Variants in MAP7D2 observed in about 807,000 individuals in gnomAD.
MAP7D2 encodes the protein MAP7 domain-containing protein 2.
A neutral mutation model predicts 63.5 loss-of-function variants in MAP7D2; 33 were observed. That is an observed-to-expected ratio of 0.52 (90% confidence interval 0.39 to 0.70). The LOEUF (loss-of-function observed/expected upper bound fraction) is 0.70. Ranked by LOEUF, MAP7D2 falls within the 30% of genes least tolerant of loss-of-function variation. The probability of loss-of-function intolerance (pLI) is 0.00; values close to 1 mark genes in which losing one functional copy is unlikely to be tolerated. For synonymous variants in MAP7D2, 224 were observed against 223.7 expected (o/e 1.00, Z -0.01); for missense variants, 626 against 604.0 (o/e 1.04, Z -0.38).
At position 20,110,035 on chromosome X, in the gene MAP7D2, T is replaced by TA. The variant is rs894029213; in HGVS notation, c.130+6714dup. 3.6e-4 allele frequency among the ~76,000 whole-genome samples: 37 copies of TA among 103,455 alleles called. No homozygotes were observed. In the South Asian group the frequency reaches 0.015, roughly 41 times the overall value. 89.8% of individuals were successfully genotyped at this position (103,455 alleles called of 115,157 possible). A position where few individuals can be genotyped will look rare whatever the true frequency, so the allele number is the denominator to read the frequency against. On this transcript the variant is annotated intron_variant, in intron 1 of 16. Coordinates refer to ENST00000379643, the MANE Select transcript of MAP7D2 (RefSeq NM_001168465.2). ...TGGGCAAGAGGGTGAGACTCCATCTTAAAAAAAAAGAAAAGATTCAGATAT... is the reference window on the plus strand; with the variant it reads ...TGGGCAAGAGGGTGAGACTCCATCTTAAAAAAAAAAGAAAAGATTCAGATAT...
At chrX:20,113,180 G>A (rs1569161762) in intron 1 of MAP7D2, among the ~76,000 whole-genome samples, 1 of 111,718 alleles carries the variant, frequency 9.0e-6, no homozygotes, top group Non-Finnish European at 1.9e-5. Flanking sequence ...GGAAGTTTGT[G>A]GTCCTTCCTA....
chrX:20,044,283 C>T lies in MAP7D2; in HGVS notation c.879+81G>A, dbSNP rs1051339681. On this transcript the variant is annotated intron_variant, in intron 7 of 16. Transcript: ENST00000379643. ...CAGGAGATTGATGGAAACAGACAGC[C>T]CAGGTCAAGCACAGAAGTAATCACA... The T allele has an allele frequency of 2.3e-5, 23 of 994,956 alleles. No individual in the cohort carries two copies. In the African/African-American group the frequency reaches 3.6e-4, roughly 16 times the overall value. 82.0% of individuals were successfully genotyped at this position (994,956 alleles called of 1,213,427 possible). A position where few individuals can be genotyped will look rare whatever the true frequency, so the allele number is the denominator to read the frequency against.
At chrX:20,105,998 CA>C (rs1360103436) in intron 1 of MAP7D2, among the ~76,000 whole-genome samples, 1 of 111,558 alleles carries the variant, frequency 9.0e-6, no homozygotes. Flanking sequence ...CAAAACATGG[CA>C]AAAGGGCAAG....
At chrX:20,071,648 C>T (rs1471654406) in intron 1 of MAP7D2, among the ~76,000 whole-genome samples, 2 of 112,341 alleles carry the variant, frequency 1.8e-5, no homozygotes, top group Non-Finnish European at 3.8e-5. Flanking sequence ...CCTGTGGCTA[C>T]TCTCTGTATG....
chrX:20,015,026 G>C (rs1035173938), intron 12 of MAP7D2, among the ~76,000 whole-genome samples, 197 bp downstream of exon 12: 2 of 111,709 alleles, frequency 1.8e-5, no homozygotes, highest in East Asian at 5.6e-4. Flanking sequence ...TACAGATGGA[G>C]TTTTTAACAA....
intron 3 of MAP7D2, among the ~76,000 whole-genome samples, chrX:20,060,438 GAAAGAAAGAAAGAA>G (rs1569098479): frequency 2.5e-3 from 101 of 40,530 alleles, no homozygotes; most frequent in Non-Finnish European, 4.8e-3. Flanking sequence ...GAGAGAGAAA[GAAAGAAAGAAAGAA>G]AGAAAGAAAG....
chrX:20,092,327 G>A (rs2066090767), intron 1 of MAP7D2, among the ~76,000 whole-genome samples: 1 of 111,067 alleles, frequency 9.0e-6, no homozygotes. Flanking sequence ...GAAGCCTCAA[G>A]GTCTCTCTGA....
At chrX:20,108,465 C>T (rs1373347548) in intron 1 of MAP7D2, among the ~76,000 whole-genome samples, 1 of 109,878 alleles carries the variant, frequency 9.1e-6, no homozygotes, top group African/African-American at 3.3e-5. Context: ...GAACTCCTGA[C>T]CTCAAGTCAT....
At chrX:20,067,526 C>T (rs2065392475) in intron 1 of MAP7D2, among the ~76,000 whole-genome samples, 1 of 111,940 alleles carries the variant, frequency 8.9e-6, no homozygotes, top group Admixed American at 9.5e-5. Context: ...TCAGCCCAAC[C>T]ACCCTATGAT....
chrX:20,025,743 A>G lies in MAP7D2; in HGVS notation c.1217T>C (p.Val406Ala), dbSNP rs1373813440. 1.7e-5 allele frequency: 21 copies of G among 1,209,748 alleles called. No individual in the cohort carries two copies. The Middle Eastern group carries it at 9.1e-4, about 53-fold the overall frequency. Residue 406 changes from valine (V) to alanine (A), a missense_variant, in exon 9 of 17, where the codon GTG (valine) becomes GCG (alanine). Physicochemically the swap from Val to Ala is moderately conservative, Grantham distance 64. Coordinates refer to ENST00000379643, the MANE Select transcript of MAP7D2 (RefSeq NM_001168465.2). Reference protein sequence around the residue: ...QGEEALEKHVVDKHASEKHAA... With the variant: ...QGEEALEKHVADKHASEKHAA... ...ATGCTTCTCGCTGGCATGCTTGTCCACTACATGCTTCTCTAGGGCTTCCTC... is the reference window on the plus strand; with the variant it reads ...ATGCTTCTCGCTGGCATGCTTGTCCGCTACATGCTTCTCTAGGGCTTCCTC...
chrX:20,101,397 C>T (rs1264188261), intron 1 of MAP7D2, among the ~76,000 whole-genome samples: 5 of 111,892 alleles, frequency 4.5e-5, no homozygotes, highest in African/African-American at 1.3e-4. Flanking sequence ...GAATATCAAG[C>T]GATAAAAACT....
At chrX:20,054,508 G>T (rs1355433175) in intron 4 of MAP7D2, among the ~76,000 whole-genome samples, 1 of 111,185 alleles carries the variant, frequency 9.0e-6, no homozygotes, top group Non-Finnish European at 1.9e-5. Context: ...CTCTAGTCAA[G>T]TACTGCACTC....
intron 1 of MAP7D2, among the ~76,000 whole-genome samples, chrX:20,082,448 C>A (rs2065800090): frequency 9.0e-6 from 1 of 111,532 alleles, no homozygotes; most frequent in African/African-American, 3.3e-5. Context: ...AAAGTTAGAA[C>A]CCCTGTTCCA....
At chrX:20,084,132 C>T (rs1218350977) in intron 1 of MAP7D2, among the ~76,000 whole-genome samples, 2 of 105,555 alleles carry the variant, frequency 1.9e-5, no homozygotes, top group Non-Finnish European at 3.9e-5. Flanking sequence ...ACCCGGGAGG[C>T]GGAGGTTCCA....
chrX:20,042,413 G>A, intron 8 of MAP7D2, 89 bp downstream of exon 8: 2 of 1,076,103 alleles, frequency 1.9e-6, no homozygotes, highest in Non-Finnish European at 2.6e-6. Context: ...CCTCACGGGG[G>A]AGCAGGAGCT....
chrX:20,056,881 CAAATGGGGCT>C, intron 3 of MAP7D2, 90 bp from the exon 4 acceptor site: 1 of 807,568 alleles, frequency 1.2e-6, no homozygotes, highest in East Asian at 3.3e-5. Context: ...TGTGAGTCAC[CAAATGGGGCT>C]TTCTGTGCTC....
At chrX:20,059,098 T>C (rs2065135608) in intron 3 of MAP7D2, among the ~76,000 whole-genome samples, 1 of 112,343 alleles carries the variant, frequency 8.9e-6, no homozygotes, top group Non-Finnish European at 1.9e-5. Context: ...CAGATCACTC[T>C]AAGTCTATTT....
intron 3 of MAP7D2, among the ~76,000 whole-genome samples, chrX:20,060,177 G>C (rs1478472799): frequency 2.7e-5 from 3 of 110,087 alleles, no homozygotes; most frequent in African/African-American, 9.9e-5. Context: ...GCACCACCAA[G>C]TCTGTCTAAT....
rs916323539 is a variant in MAP7D2 at position 20,029,344 on chromosome X, C to T, written c.1008-3392G>A. Among the ~76,000 whole-genome samples the T allele has an allele frequency of 2.6e-4, 29 of 112,228 alleles. 1 individual carries two copies. Among genetic ancestry groups the T allele is most frequent in the African/African-American group, 9.4e-4 (29 of 30,867 alleles). ...ACAACCTCTGTGTCTGCTTAAATGG[C>T]TCACACACTCAGTCAGTGTGGCAGG... On this transcript the variant is annotated intron_variant, in intron 8 of 16. Coordinates refer to ENST00000379643, the MANE Select transcript of MAP7D2 (RefSeq NM_001168465.2).
Sources: gnomAD v4.1 joint callset for allele counts (sites outside exome capture counted in the v4.1 genomes callset) on GRCh38, gnomAD v4.1.1 for gene constraint, MANE v1.5 for transcripts, NCBI Gene and HGNC (gene_info 2026-07-23, HGNC 2026-07-21) for gene names.